Variants in ABCC9 observed in about 807,000 individuals in gnomAD.
ABCC9 encodes ATP binding cassette subfamily C member 9, also known as ATP-binding cassette sub-family C member 9.
ABCC9 carries 95 observed loss-of-function variants against 188.3 expected under a neutral mutation model. That is an observed-to-expected ratio of 0.50 (90% confidence interval 0.43 to 0.60). ABCC9 has a LOEUF of 0.60. Ranked by LOEUF, ABCC9 falls within the 20% of genes least tolerant of loss-of-function variation. The pLI is 0.00. For synonymous variants in ABCC9, 659 were observed against 652.7 expected (o/e 1.01, Z -0.15); for missense variants, 1,102 against 1,876.3 (o/e 0.59, Z 7.62).
Position 21,853,133 on chromosome 12 carries a change from G to A in ABCC9, c.2506-628C>T, listed in dbSNP as rs570228433. Among the ~76,000 whole-genome samples, 3 of 152,242 alleles carry A rather than the reference G, an allele frequency of 2.0e-5. No homozygotes were observed. In the South Asian group the frequency reaches 6.2e-4, roughly 32 times the overall value. ...AGTTCGAGACCAGCCTGGCCAACAT[G>A]GTGAAGCCCTGTCCTACTAAAAACA... On this transcript the variant is annotated intron_variant, in intron 22 of 39. Transcript: ENST00000261200.
intron 21 of ABCC9, among the ~76,000 whole-genome samples, chr12:21,860,506 T>C (rs1268548478): frequency 6.6e-6 from 1 of 152,222 alleles, no homozygotes; most frequent in East Asian, 1.9e-4. Context: ...ACGTTGTTGT[T>C]CTAAAGATTA....
chr12:21,917,063 T>G lies in ABCC9; in HGVS notation c.447A>C (p.Thr149=), dbSNP rs1249017557. 41 of 1,613,772 alleles carry G rather than the reference T, an allele frequency of 2.5e-5. No homozygotes were observed. Among genetic ancestry groups the G allele is most frequent in the Non-Finnish European group, 3.5e-5 (41 of 1,179,838 alleles). The change falls in exon 6 of 40, where the codon ACA becomes ACC. Residue 149 remains threonine (T), a synonymous_variant. Coordinates refer to ENST00000261200, the MANE Select transcript of ABCC9 (RefSeq NM_020297.4). The part of the protein sequence containing the change: ...LYWVMAFITK[T]IKLVKYCQSG... ...ACTGACAGTACTTAACCAATTTTAT[T>G]GTTTTTGTAATAAAGGCCATTACCC...
At chr12:21,860,796 C>T (rs558190052) in intron 21 of ABCC9, among the ~76,000 whole-genome samples, 175 bp downstream of exon 21, 4 of 152,086 alleles carry the variant, frequency 2.6e-5, no homozygotes, top group East Asian at 1.9e-4. Flanking sequence ...AATATTAATA[C>T]GTAAGAAAGA....
intron 39 of ABCC9, chr12:21,805,059 G>T (rs1941738270): frequency 3.4e-6 from 5 of 1,476,048 alleles, no homozygotes; most frequent in Non-Finnish European, 4.7e-6. Flanking sequence ...CCTGCAGTTA[G>T]TTCCCTCATC....
intron 30 of ABCC9, among the ~76,000 whole-genome samples, chr12:21,830,038 G>A (rs1436800460): frequency 6.6e-6 from 1 of 152,118 alleles, no homozygotes; most frequent in Non-Finnish European, 1.5e-5. Flanking sequence ...AAGGAATTTG[G>A]TCTGTGTACT....
At chr12:21,929,354 C>T (rs1418261663) in intron 4 of ABCC9, among the ~76,000 whole-genome samples, 1 of 151,452 alleles carries the variant, frequency 6.6e-6, no homozygotes, top group Non-Finnish European at 1.5e-5. Context: ...AAAAAGGATT[C>T]CTAAACCTAG....
chr12:21,895,315 A>C lies in ABCC9; in HGVS notation c.1619T>G (p.Ile540Ser). ...TATGGGAATTGCTGCATTCATGAAG[A>C]CTGTGGAAAGAAATAAAATGCATTA... is the stretch of plus-strand genomic sequence containing the variant. ...KTFALYTSLSIFMNAAIPIAA... is the reference protein window; with the variant it reads ...KTFALYTSLSSFMNAAIPIAA... Residue 540 changes from isoleucine (I) to serine (S), a missense_variant and splice_region_variant, in exon 13 of 40, where the codon ATC becomes AGC. Transcript: ENST00000261200. 6.2e-7 allele frequency: 1 copy of C among 1,613,378 alleles called. No individual in the cohort carries two copies. Among genetic ancestry groups the C allele is most frequent in the Non-Finnish European group, 8.5e-7 (1 of 1,179,340 alleles).
At chr12:21,915,362 GTA>G (rs1477186575) in intron 7 of ABCC9, among the ~76,000 whole-genome samples, 4 of 135,620 alleles carry the variant, frequency 2.9e-5, no homozygotes, top group Admixed American at 1.5e-4. Context: ...TATATAATGT[GTA>G]TATATGTGTG....
At chr12:21,913,121 A>G in intron 7 of ABCC9, 55 bp from the exon 8 acceptor site, 1 of 1,457,120 alleles carries the variant, frequency 6.9e-7, no homozygotes, top group Non-Finnish European at 9.4e-7. Context: ...AACTGCTTAG[A>G]GCAGTAACTA....
intron 2 of ABCC9, among the ~76,000 whole-genome samples, chr12:21,939,863 C>G (rs1178493531): frequency 6.6e-6 from 1 of 152,188 alleles, no homozygotes; most frequent in African/African-American, 2.4e-5. Flanking sequence ...ATCTAACTTA[C>G]GATTTCATGG....
At chr12:21,888,146 C>T (rs1186630836) in intron 14 of ABCC9, among the ~76,000 whole-genome samples, 1 of 152,014 alleles carries the variant, frequency 6.6e-6, no homozygotes, top group Admixed American at 6.6e-5. Flanking sequence ...ACTTTCAGTA[C>T]TAAAACCAGA....
At chr12:21,936,976 TCTGA>T (rs1206330890) in intron 2 of ABCC9, among the ~76,000 whole-genome samples, 1 of 152,120 alleles carries the variant, frequency 6.6e-6, no homozygotes, top group Non-Finnish European at 1.5e-5. Context: ...CAAATGAGTG[TCTGA>T]CTAAAATGCT....
chr12:21,896,240 T>C (rs911488156), intron 12 of ABCC9, among the ~76,000 whole-genome samples: 1 of 152,038 alleles, frequency 6.6e-6, no homozygotes, highest in East Asian at 1.9e-4. Context: ...GTTTTAAAAA[T>C]CATCTGCTCT....
chr12:21,911,082 T>C, intron 8 of ABCC9, 104 bp from the exon 9 acceptor site: 1 of 1,103,526 alleles, frequency 9.1e-7, no homozygotes, highest in Non-Finnish European at 1.3e-6. Flanking sequence ...AATACAAAAA[T>C]TCAATGTATT....
Position 21,933,866 on chromosome 12 carries a change from G to T in ABCC9, c.200C>A (p.Pro67Gln), listed in dbSNP as rs766600615. Residue 67 changes from proline (P) to glutamine (Q), a missense_variant, in exon 4 of 40, where the codon CCG becomes CAG. Pro to Gln is a moderately conservative substitution (Grantham distance 76). Coordinates refer to ENST00000261200, the MANE Select transcript of ABCC9 (RefSeq NM_020297.4). Reference sequence around the variant, plus strand: ...AAGAATCCATCTCAGGTTATGTCCCGGAAAATGAAGCCATGTGTTGTGGTG... The same window carrying T: ...AAGAATCCATCTCAGGTTATGTCCCTGAAAATGAAGCCATGTGTTGTGGTG... ...QIHHNTWLHF[P>Q]GHNLRWILTF... The T allele has an allele frequency of 6.2e-7, 1 of 1,613,518 alleles. No individual in the cohort carries two copies. The highest frequency in any genetic ancestry group is 8.5e-7 in the Non-Finnish European group (1 of 1,179,700).
At chr12:21,844,992 T>G (rs1944571448) in intron 26 of ABCC9, 77 bp from the exon 27 acceptor site, 6 of 1,524,980 alleles carry the variant, frequency 3.9e-6, no homozygotes, top group African/African-American at 1.4e-5. Flanking sequence ...CAAATGTCAA[T>G]GTCAGACAAG....
At chr12:21,911,063 T>C in intron 8 of ABCC9, 85 bp from the exon 9 acceptor site, 1 of 1,287,690 alleles carries the variant, frequency 7.8e-7, no homozygotes, top group Non-Finnish European at 1.1e-6. Flanking sequence ...AAAAGATACA[T>C]AATATTTAAA....
At chr12:21,924,411 T>A (rs1948968630) in intron 5 of ABCC9, 1 of 152,124 alleles carries the variant, frequency 6.6e-6, no homozygotes. Context: ...ATTCACATGA[T>A]TCTTTCAACT....
At chr12:21,881,658 A>T (rs921246786) in intron 16 of ABCC9, among the ~76,000 whole-genome samples, 8 of 151,836 alleles carry the variant, frequency 5.3e-5, no homozygotes, top group African/African-American at 1.9e-4. Flanking sequence ...TTATCTTTTC[A>T]TAGCCCCTAG....
Sources: allele counts gnomAD v4.1 joint callset (sites outside exome capture counted in the v4.1 genomes callset), GRCh38; gene constraint gnomAD v4.1.1; transcripts MANE v1.5; gene names NCBI Gene and HGNC (gene_info 2026-07-23, HGNC 2026-07-21).